Variants in RAB27A observed in about 807,000 individuals in gnomAD.
The protein encoded by RAB27A is ras-related protein Rab-27A.
A neutral mutation model predicts 20.8 loss-of-function variants in RAB27A; 17 were observed. That is an observed-to-expected ratio of 0.82 (90% CI 0.56 to 1.23). The LOEUF (loss-of-function observed/expected upper bound fraction) is 1.23. RAB27A is among the 50% of genes most tolerant of loss of function. RAB27A has a pLI of 0.00. For synonymous variants in RAB27A, 85 were observed against 92.8 expected (o/e 0.92, Z 0.48); for missense variants, 277 against 266.7 (o/e 1.04, Z -0.27).
chr15:55,281,281 C>A (rs1186577068), intron 1 of RAB27A, among the ~76,000 whole-genome samples: 1 of 152,182 alleles, frequency 6.6e-6, no homozygotes, highest in Non-Finnish European at 1.5e-5. Flanking sequence ...GTATAAGTAG[C>A]CTTCTCCTTT....
At chr15:55,288,626 G>T (rs1348771143) in intron 1 of RAB27A, among the ~76,000 whole-genome samples, 1 of 151,978 alleles carries the variant, frequency 6.6e-6, no homozygotes, top group Non-Finnish European at 1.5e-5. Flanking sequence ...GAGGGAGGAA[G>T]AGAGAATGGT....
At chr15:55,269,091 C>A (rs528219100) in intron 2 of RAB27A, among the ~76,000 whole-genome samples, 1 of 152,294 alleles carries the variant, frequency 6.6e-6, no homozygotes, top group South Asian at 2.1e-4. Context: ...AAGGGACCAA[C>A]CCCGCTGACA....
intron 6 of RAB27A, among the ~76,000 whole-genome samples, chr15:55,216,011 T>C (rs573417974): frequency 2.7e-5 from 4 of 148,622 alleles, no homozygotes; most frequent in African/African-American, 9.9e-5. Flanking sequence ...CTTCAAATCC[T>C]AGTAGTACAT....
In RAB27A at chr15:55,205,518, A is replaced by G. The variant is rs1183770943; in HGVS notation, c.655T>C (p.Cys219Arg). 6.2e-7 allele frequency: 1 copy of G among 1,614,146 alleles called. No individual in the cohort carries two copies. The highest frequency in any genetic ancestry group is 8.5e-7 in the Non-Finnish European group (1 of 1,180,024). ...QLSEEKEKGACGC is the reference protein window; with the variant it reads ...QLSEEKEKGARGC ...GCTTACTTGACTTCTCAACAGCCAC[A>G]TGCCCCTTTCTCCTTTTCTTCACTT... Residue 219 changes from cysteine (C) to arginine (R), a missense_variant, in exon 7 of 7, where the codon TGT becomes CGT. Transcript: ENST00000336787.
chr15:55,251,918 CG>C (rs1451477998), intron 2 of RAB27A, among the ~76,000 whole-genome samples: 10 of 152,042 alleles, frequency 6.6e-5, no homozygotes, highest in Non-Finnish European at 7.4e-5. Context: ...AAGGAGAAAG[CG>C]GCATGAGGTA....
chr15:55,309,993 G>C (rs533604405), intron 2 of RAB27A, among the ~76,000 whole-genome samples: 1 of 151,926 alleles, frequency 6.6e-6, no homozygotes, highest in African/African-American at 2.4e-5. Flanking sequence ...TTCTTTGCTC[G>C]TCCATATTGT....
At position 55,276,065 on chromosome 15, in the gene RAB27A, A is replaced by C. The variant is rs547085265; in HGVS notation, c.-142-5781T>G. Among the ~76,000 whole-genome samples, 14 of 152,232 alleles carry C rather than the reference A, an allele frequency of 9.2e-5. No homozygotes were observed. In the East Asian group the frequency reaches 2.3e-3, roughly 25 times the overall value. On this transcript the variant is annotated intron_variant, in intron 1 of 6. Transcript: ENST00000336787. ...CTTCTTTAAAAAAATGTTTTCAAAA[A>C]TTTTTTAAATAGAATACCATAGGAT...
At chr15:55,297,935 G>A (rs1330662898) in intron 2 of RAB27A, among the ~76,000 whole-genome samples, 2 of 152,130 alleles carry the variant, frequency 1.3e-5, no homozygotes, top group Non-Finnish European at 2.9e-5. Context: ...AGGCACAGTG[G>A]CTCATGCCTG....
At chr15:55,246,777 G>T (rs1896703003) in intron 2 of RAB27A, among the ~76,000 whole-genome samples, 1 of 151,948 alleles carries the variant, frequency 6.6e-6, no homozygotes, top group South Asian at 2.1e-4. Context: ...TCAACCCATA[G>T]CTAAACATGC....
intron 1 of RAB27A, among the ~76,000 whole-genome samples, chr15:55,275,851 T>C (rs761164816): frequency 8.6e-5 from 12 of 139,540 alleles, no homozygotes; most frequent in Non-Finnish European, 1.5e-4. Flanking sequence ...ACATCACTAA[T>C]CAGCAGAGAA....
intron 3 of RAB27A, among the ~76,000 whole-genome samples, chr15:55,233,108 G>GAT: frequency 6.6e-6 from 1 of 152,002 alleles, no homozygotes; most frequent in Non-Finnish European, 1.5e-5. Context: ...CTGAGCAACA[G>GAT]AGAGAGACCC....
chr15:55,245,879 G>A (rs1038803103), intron 2 of RAB27A, among the ~76,000 whole-genome samples: 1 of 152,134 alleles, frequency 6.6e-6, no homozygotes, highest in Non-Finnish European at 1.5e-5. Context: ...GGAGGCCAAG[G>A]CAGGCAGATC....
At chr15:55,279,794 C>A (rs890852973) in intron 1 of RAB27A, among the ~76,000 whole-genome samples, 1 of 152,138 alleles carries the variant, frequency 6.6e-6, no homozygotes, top group Non-Finnish European at 1.5e-5. Context: ...ATAAATATCA[C>A]CAAGGAAAGC....
intron 2 of RAB27A, among the ~76,000 whole-genome samples, chr15:55,236,983 A>G (rs28533779): frequency 0.089 from 13,481 of 151,966 alleles, 2,047 homozygotes; most frequent in African/African-American, 0.31. Context: ...ACATTAACCA[A>G]CCTCTCTCCG....
intron 1 of RAB27A, among the ~76,000 whole-genome samples, chr15:55,316,160 C>T (rs564868013): frequency 5.5e-5 from 8 of 146,418 alleles, no homozygotes; most frequent in East Asian, 4.1e-4. Context: ...ACCTGGGAGG[C>T]GGAGGCAGAG....
At chr15:55,279,827 C>T (rs1897967457) in intron 1 of RAB27A, among the ~76,000 whole-genome samples, 1 of 152,086 alleles carries the variant, frequency 6.6e-6, no homozygotes, top group Non-Finnish European at 1.5e-5. Flanking sequence ...AAGTTAAGGC[C>T]TCAATGTTAA....
chr15:55,268,196 T>G (rs1209061742), intron 2 of RAB27A, among the ~76,000 whole-genome samples: 1 of 151,612 alleles, frequency 6.6e-6, no homozygotes, highest in African/African-American at 2.4e-5. Flanking sequence ...TGACAGAGAA[T>G]GTCAGCTTTT....
intron 2 of RAB27A, among the ~76,000 whole-genome samples, chr15:55,252,197 T>C (rs1362133177): frequency 1.3e-5 from 2 of 151,984 alleles, no homozygotes; most frequent in Non-Finnish European, 2.9e-5. Flanking sequence ...ACAGCAACAG[T>C]AGCTAGAAAA....
intron 1 of RAB27A, among the ~76,000 whole-genome samples, chr15:55,283,919 C>T (rs907160923): frequency 1.3e-5 from 2 of 152,106 alleles, no homozygotes; most frequent in African/African-American, 4.8e-5. Flanking sequence ...TTAGCCATAC[C>T]CTGATAGGAC....
Sources: allele counts gnomAD v4.1 joint callset (sites outside exome capture counted in the v4.1 genomes callset), GRCh38; gene constraint gnomAD v4.1.1; transcripts MANE v1.5; gene names NCBI Gene and HGNC (gene_info 2026-07-23, HGNC 2026-07-21).